PTPRT: variants seen among roughly 807,000 people sequenced by gnomAD.
PTPRT encodes protein tyrosine phosphatase receptor type T.
A neutral mutation model predicts 176.8 loss-of-function variants in PTPRT; 56 were observed. The ratio of observed to expected loss-of-function variants is 0.32; its 90% CI spans 0.26 to 0.40. The LOEUF is 0.40. Among genes scored for constraint, PTPRT ranks in the 10% least tolerant of loss-of-function variants. The pLI is 1.00. For synonymous variants in PTPRT, 783 were observed against 739.0 expected, an observed-to-expected ratio of 1.06 and a Z score of -0.96; for missense variants, 1,540 against 1,908.2, an observed-to-expected ratio of 0.81 and a Z score of 3.60.
At chr20:42,420,366 C>T (rs961150720) in intron 9 of PTPRT, among the ~76,000 whole-genome samples, 15 of 152,100 alleles carry the variant, frequency 9.9e-5, no homozygotes, top group African/African-American at 3.4e-4. Context: ...AGCTCCGGTG[C>T]TTATTCTGGC....
chr20:43,011,917 C>T (rs1338458981), intron 1 of PTPRT, among the ~76,000 whole-genome samples: 1 of 152,198 alleles, frequency 6.6e-6, no homozygotes, highest in Admixed American at 6.5e-5. Context: ...TTCTCCTGAG[C>T]TGGATGCTTC....
chr20:42,778,158 A>G (rs1312317182), intron 4 of PTPRT, among the ~76,000 whole-genome samples: 1 of 152,212 alleles, frequency 6.6e-6, no homozygotes, highest in East Asian at 1.9e-4. Flanking sequence ...AAAAGGATTC[A>G]TGAGACTTTG....
intron 1 of PTPRT, among the ~76,000 whole-genome samples, chr20:42,908,101 G>C (rs556367780): frequency 5.3e-5 from 8 of 152,158 alleles, no homozygotes; most frequent in African/African-American, 1.9e-4. Context: ...CTGCGCTAAG[G>C]CAGAAAGAAG....
rs764181357 is a variant in PTPRT at position 42,350,214 on chromosome 20, G to GTTTT, written c.1865+410_1865+413dup. ...TCAGGTCCTGATTAGGATGTTTCTT[G>GTTTT]TTTTTTTTTTTTTTTTTTTTTTTTT... On this transcript the variant is annotated intron_variant, in intron 11 of 30. Coordinates refer to ENST00000373187, the MANE Select transcript of PTPRT (RefSeq NM_007050.6). Among the ~76,000 whole-genome samples the GTTTT allele has an allele frequency of 4.4e-3, 259 of 58,264 alleles. 13 individuals carry two copies. Among genetic ancestry groups the GTTTT allele is most frequent in the Middle Eastern group, 0.02 (2 of 100 alleles). The allele number at this position is 58,264 out of a possible 152,430, so 38.2% of individuals were successfully genotyped here. A position where few individuals can be genotyped will look rare whatever the true frequency, so the allele number is the denominator to read the frequency against.
chr20:43,005,444 T>C (rs776152000), intron 1 of PTPRT, among the ~76,000 whole-genome samples: 4 of 152,138 alleles, frequency 2.6e-5, no homozygotes, highest in African/African-American at 4.8e-5. Flanking sequence ...GAACAGGCTT[T>C]TCTGTCCTTC....
intron 7 of PTPRT, among the ~76,000 whole-genome samples, chr20:42,583,417 C>G (rs1275995594): frequency 6.6e-6 from 1 of 152,190 alleles, no homozygotes; most frequent in African/African-American, 2.4e-5. Flanking sequence ...TCTGTCTAAA[C>G]AGCCATGCAA....
Position 42,448,226 on chromosome 20 carries a change from G to C in PTPRT, c.1554C>G (p.Leu518=). The change falls in exon 9 of 31, where the codon CTC becomes CTG. Residue 518 remains leucine, a synonymous_variant. Coordinates refer to ENST00000373187, the MANE Select transcript of PTPRT (RefSeq NM_007050.6). ...PPNETNGVIT[L]YEINYKAVGS... ...GCACAAGGGACCTCCTTACCTCGTA[G>C]AGCGTGATGACCCCATTGGTCTCAT... 1.9e-6 allele frequency: 3 copies of C among 1,608,932 alleles called. No individual in the cohort carries two copies. Among genetic ancestry groups the C allele is most frequent in the South Asian group, 2.2e-5 (2 of 90,972 alleles).
chr20:42,910,162 T>A (rs1394822945), intron 1 of PTPRT, among the ~76,000 whole-genome samples: 1 of 152,078 alleles, frequency 6.6e-6, no homozygotes, highest in Non-Finnish European at 1.5e-5. Context: ...CCAAAGACCA[T>A]CCAGAAATCC....
chr20:42,217,376 TACACACACACACACACACACACAC>T (rs71335847), intron 15 of PTPRT, among the ~76,000 whole-genome samples: 1 of 104,326 alleles, frequency 9.6e-6, no homozygotes, highest in Non-Finnish European at 1.9e-5. Context: ...CTCTCAAACA[TACACACACACACACACACACACAC>T]ACACACACAC....
chr20:42,793,954 G>A (rs1365283859), intron 2 of PTPRT, among the ~76,000 whole-genome samples: 1 of 152,164 alleles, frequency 6.6e-6, no homozygotes, highest in African/African-American at 2.4e-5. Context: ...ATACCCGCAT[G>A]CACATTTCAG....
intron 7 of PTPRT, among the ~76,000 whole-genome samples, chr20:42,477,819 C>G (rs185929368): frequency 4.9e-4 from 75 of 152,314 alleles, no homozygotes; most frequent in African/African-American, 1.7e-3. Context: ...CAAAGTGGCT[C>G]TACCTCTGGA....
At chr20:42,252,945 C>T (rs1282487161) in intron 13 of PTPRT, among the ~76,000 whole-genome samples, 1 of 152,154 alleles carries the variant, frequency 6.6e-6, no homozygotes, top group Non-Finnish European at 1.5e-5. Context: ...GTGAACATTC[C>T]CTGGGACAGG....
intron 6 of PTPRT, among the ~76,000 whole-genome samples, chr20:42,722,112 A>G (rs1244935065): frequency 6.6e-6 from 1 of 152,048 alleles, no homozygotes; most frequent in East Asian, 1.9e-4. Context: ...CTTCCTCCCA[A>G]GTGTCCTCCC....
At chr20:42,192,849 A>C (rs1476792682) in intron 16 of PTPRT, among the ~76,000 whole-genome samples, 1 of 152,178 alleles carries the variant, frequency 6.6e-6, no homozygotes, top group African/African-American at 2.4e-5. Flanking sequence ...CTGCAGTCCC[A>C]CTTTCCTAAG....
chr20:43,170,457 G>GGCC (rs2014968577), intron 1 of PTPRT, among the ~76,000 whole-genome samples: 1 of 152,152 alleles, frequency 6.6e-6, no homozygotes, highest in Admixed American at 6.5e-5. Context: ...AGATGGCGAT[G>GGCC]AAAAGATCTC....
intron 9 of PTPRT, among the ~76,000 whole-genome samples, chr20:42,370,061 A>T (rs2058567297): frequency 6.7e-6 from 1 of 150,254 alleles, no homozygotes; most frequent in African/African-American, 2.5e-5. Flanking sequence ...CCCATCCCAA[A>T]TCCTGTAACC....
In PTPRT at chr20:42,393,776, A is replaced by T. The variant is rs372776004; in HGVS notation, c.1561-41491T>A. Among the ~76,000 whole-genome samples, 36 of 152,324 alleles carry T rather than the reference A, an allele frequency of 2.4e-4. No homozygotes were observed. In the East Asian group the frequency reaches 3.3e-3, roughly 14 times the overall value. ...GTATCCTAACTTCATTCTTCCTATA[A>T]GCCCTGTAATTTTTAGTGTGCAATT... On this transcript the variant is annotated intron_variant, in intron 9 of 30. Coordinates refer to ENST00000373187, the MANE Select transcript of PTPRT (RefSeq NM_007050.6).
Position 43,116,450 on chromosome 20 carries a change from G to T in PTPRT, c.88+73196C>A, listed in dbSNP as rs1412730160. On this transcript the variant is annotated intron_variant, in intron 1 of 30. Transcript: ENST00000373187. Reference sequence around the variant, plus strand: ...TCCTGAAATTAATGACACAACATAGGACTACACCAAAGCCCAAGAGTTATT... The same window carrying T: ...TCCTGAAATTAATGACACAACATAGTACTACACCAAAGCCCAAGAGTTATT... Among the ~76,000 whole-genome samples the T allele has an allele frequency of 2.6e-5, 4 of 152,154 alleles. No homozygotes were observed. In the East Asian group the frequency reaches 7.7e-4, roughly 29 times the overall value.
chr20:43,131,748 C>T (rs2146381080), intron 1 of PTPRT, among the ~76,000 whole-genome samples: 1 of 152,186 alleles, frequency 6.6e-6, no homozygotes, highest in East Asian at 1.9e-4. Flanking sequence ...TGAACATAAA[C>T]AAAAATCCTA....
Sources: allele counts gnomAD v4.1 joint callset (sites outside exome capture counted in the v4.1 genomes callset), GRCh38; gene constraint gnomAD v4.1.1; transcripts MANE v1.5; gene names NCBI Gene and HGNC (gene_info 2026-07-23, HGNC 2026-07-21).